The following RFX1 variants were observed in gnomAD, a reference collection of about 807,000 sequenced individuals.
RFX1 encodes regulatory factor X1.
RFX1 carries 42 observed loss-of-function variants against 119.6 expected under a neutral mutation model. The ratio of observed to expected loss-of-function variants is 0.35; its 90% CI spans 0.27 to 0.45. RFX1 has a LOEUF of 0.45. Among genes scored for constraint, RFX1 ranks in the 20% least tolerant of loss-of-function variants. The pLI, the probability that RFX1 is intolerant of heterozygous loss-of-function variation, is 1.00. For synonymous variants in RFX1, 628 were observed against 618.5 expected, an observed-to-expected ratio of 1.02 and a Z score of -0.23; for missense variants, 1,118 against 1,368.1, an observed-to-expected ratio of 0.82 and a Z score of 2.88.
intron 2 of RFX1, among the ~76,000 whole-genome samples, chr19:13,992,198 C>T (rs940111423): frequency 2.6e-5 from 4 of 152,098 alleles, no homozygotes; most frequent in Non-Finnish European, 5.9e-5. Flanking sequence ...CAGCTACCTA[C>T]AAGGCTGAGG....
At chr19:13,967,817 C>T (rs113741237) in intron 12 of RFX1, among the ~76,000 whole-genome samples, 3,236 of 152,190 alleles carry the variant, frequency 0.021, 112 homozygotes, top group African/African-American at 0.073. Flanking sequence ...GCCTTCTTGG[C>T]GAGTGAGTGG....
intron 1 of RFX1, among the ~76,000 whole-genome samples, chr19:13,997,276 G>A (rs567176862): frequency 6.6e-6 from 1 of 152,342 alleles, no homozygotes; most frequent in Non-Finnish European, 1.5e-5. Context: ...AGTTAGCAGG[G>A]GGGCAAGGTA....
chr19:13,982,267 G>T, intron 4 of RFX1, 39 bp from the exon 5 acceptor site: 1 of 1,162,846 alleles, frequency 8.6e-7, no homozygotes, highest in Non-Finnish European at 1.1e-6. Flanking sequence ...GATCACTGAT[G>T]ACAGCCCGTG....
rs1017285711 is a variant in RFX1 at position 13,990,152 on chromosome 19, C to T, written c.319+3373G>A. On this transcript the variant is annotated intron_variant, in intron 2 of 20. Coordinates refer to ENST00000254325, the MANE Select transcript of RFX1 (RefSeq NM_002918.5). This position sits in a 1 kb window ranked among gnomAD's most constrained non-coding sequence, Gnocchi z 4.1. ...GAGCTGGGACACAGGATGAGGCCAT[C>T]GTTAAGGGAGAACTACAGGAGCTAA... Among the ~76,000 whole-genome samples the T allele has an allele frequency of 6.6e-6, 1 of 152,056 alleles. No homozygotes were observed. The highest frequency in any genetic ancestry group is 1.5e-5 in the Non-Finnish European group (1 of 68,026).
intron 1 of RFX1, among the ~76,000 whole-genome samples, 173 bp from the exon 2 acceptor site, chr19:13,994,068 AACCCGTC>A (rs1235254171): frequency 6.6e-6 from 1 of 152,062 alleles, no homozygotes; most frequent in Non-Finnish European, 1.5e-5. Context: ...AGAAATATCC[AACCCGTC>A]ACTGCAGGGG....
At chr19:13,991,090 A>G (rs948175775) in intron 2 of RFX1, among the ~76,000 whole-genome samples, 2 of 152,208 alleles carry the variant, frequency 1.3e-5, no homozygotes, top group Admixed American at 1.3e-4. Flanking sequence ...TAGAAGGAGC[A>G]ATGGCAGGAG....
At position 13,966,769 on chromosome 19, in the gene RFX1, AC is replaced by A. The variant is rs1973917281; in HGVS notation, c.1733-19del. 6.5e-7 allele frequency: 1 copy of A among 1,544,968 alleles called. No homozygotes were observed. Among genetic ancestry groups the A allele is most frequent in the Non-Finnish European group, 8.9e-7 (1 of 1,128,404 alleles). ...AGAGGCATCTAGGGGGCCGGGGGGA[AC>A]CGTGAGGCCCTTCATCCCCCTTGCC... On this transcript the variant is annotated intron_variant, in intron 12 of 20. Coordinates refer to ENST00000254325, the MANE Select transcript of RFX1 (RefSeq NM_002918.5). The surrounding 1 kb of genome is among the most constrained non-coding windows in gnomAD (Gnocchi z 6.3).
chr19:13,970,086 C>T lies in RFX1; in HGVS notation c.1404G>A (p.Gln468=), dbSNP rs1974028987. The T allele has an allele frequency of 3.7e-6, 6 of 1,614,000 alleles. No individual in the cohort carries two copies. Among genetic ancestry groups the T allele is most frequent in the Non-Finnish European group, 5.1e-6 (6 of 1,180,020 alleles). ...TLYCHYLLHC[Q]EQKLEPVNAA... ...CGTTGACGGGCTCCAGCTTCTGCTC[C>T]TGGCAGTGCAGTAAGTAGTGGCAGT... Residue 468 remains glutamine (Q), a synonymous_variant, in exon 10 of 21, where the codon CAG becomes CAA. Transcript: ENST00000254325.
chr19:13,994,893 C>CATACATATATATATAT (rs58399098), intron 1 of RFX1, among the ~76,000 whole-genome samples: 4 of 59,304 alleles, frequency 6.7e-5, no homozygotes, highest in African/African-American at 1.7e-4. Context: ...AATATACATA[C>CATACATATATATATAT]ATATATATAT....
At chr19:13,982,665 G>A (rs1219941530) in intron 4 of RFX1, among the ~76,000 whole-genome samples, 1 of 152,190 alleles carries the variant, frequency 6.6e-6, no homozygotes, top group African/African-American at 2.4e-5. Flanking sequence ...TTAGCCAGGT[G>A]TGGTGGTGCA....
chr19:13,998,075 T>A (rs542903826), intron 1 of RFX1: 1 of 152,324 alleles, frequency 6.6e-6, no homozygotes, highest in African/African-American at 2.4e-5. Flanking sequence ...CTCACCCACA[T>A]GAACCCTGGC....
At chr19:13,983,098 G>T in intron 4 of RFX1, 89 bp downstream of exon 4, 2 of 1,025,038 alleles carry the variant, frequency 2.0e-6, no homozygotes, top group South Asian at 1.5e-5. Context: ...CCTCCATCCT[G>T]GTGAGGACAG....
Position 13,980,833 on chromosome 19 carries a change from AC to A in RFX1, c.622-145del. Reference sequence around the variant, plus strand: ...CCTATCCCAACCACCGAGGCTGGTAACTGACCGCGTCCCACGCATCCAAATG... The same window carrying A: ...CCTATCCCAACCACCGAGGCTGGTAATGACCGCGTCCCACGCATCCAAATG... On this transcript the variant is annotated intron_variant, in intron 5 of 20. Coordinates refer to ENST00000254325, the MANE Select transcript of RFX1 (RefSeq NM_002918.5). This position sits in a 1 kb window ranked among gnomAD's most constrained non-coding sequence, Gnocchi z 5.1. 1 of 581,892 alleles carries A rather than the reference AC, an allele frequency of 1.7e-6. No individual in the cohort carries two copies. The highest frequency in any genetic ancestry group is 3.1e-6 in the Non-Finnish European group (1 of 327,270). 36.0% of individuals were successfully genotyped at this position (581,892 alleles called of 1,614,324 possible). A position where few individuals can be genotyped will look rare whatever the true frequency, so the allele number is the denominator to read the frequency against.
intron 16 of RFX1, among the ~76,000 whole-genome samples, chr19:13,964,643 G>C (rs1269797257): frequency 6.6e-6 from 1 of 151,932 alleles, no homozygotes; most frequent in East Asian, 1.9e-4. Context: ...CACCACGCCG[G>C]GCTAATTTTT....
intron 8 of RFX1, among the ~76,000 whole-genome samples, chr19:13,977,219 C>G (rs1974276821): frequency 6.7e-6 from 1 of 149,096 alleles, no homozygotes; most frequent in Non-Finnish European, 1.5e-5. Context: ...CACTTGAACA[C>G]AGGAGGCAGA....
rs1973767650 is a variant in RFX1, at chr19:13,963,150, C to T, written c.2696G>A (p.Gly899Asp). 2 of 1,612,226 alleles carry T rather than the reference C, an allele frequency of 1.2e-6. No homozygotes were observed. Among genetic ancestry groups the T allele is most frequent in the Non-Finnish European group, 1.7e-6 (2 of 1,179,278 alleles). Residue 899 changes from glycine to aspartate, a missense_variant, in exon 19 of 21, where the codon GGC becomes GAC. By Grantham distance (94) the Gly-to-Asp change is moderately conservative. This residue lies in a region of RFX1 where 138 missense variants were observed against 117.8 expected (regional missense o/e 1.17). Coordinates refer to ENST00000254325, the MANE Select transcript of RFX1 (RefSeq NM_002918.5). The part of the protein sequence containing the change: ...LIEHRVAQAK[G>D]ETPIAVMGEF... ...GCCCATGACGGCGATGGGGGTCTCG[C>T]CCTTGGCCTGGGCTACGCGGTGCTC...
rs137952654 is a variant in RFX1 at position 13,963,975 on chromosome 19, C to T, written c.2244G>A (p.Leu748=). The T allele has an allele frequency of 6.4e-3, 9,871 of 1,539,624 alleles. 46 individuals are homozygous for T. The highest frequency in any genetic ancestry group is 7.7e-3 in the Non-Finnish European group (8,811 of 1,147,256). Residue 748 remains leucine (L), a synonymous_variant, in exon 17 of 21, where the codon CTG becomes CTA. Transcript: ENST00000254325. ...GGTGGTTGAGCGACGTGTAGCGCCG[C>T]AGTGTCTGCGCGAAGGCGCCAGCCG... ...VAAAGAFAQT[L]RRYTSLNHLA...
In RFX1 at chr19:13,962,390, G is replaced by T. The variant is rs1027098069; in HGVS notation, c.*305C>A. The T allele has an allele frequency of 4.3e-5, 19 of 444,594 alleles. No individual in the cohort carries two copies. Among genetic ancestry groups the T allele is most frequent in the African/African-American group, 3.4e-4 (16 of 47,228 alleles). 27.5% of individuals were successfully genotyped at this position (444,594 alleles called of 1,614,324 possible). A position where few individuals can be genotyped will look rare whatever the true frequency, so the allele number is the denominator to read the frequency against. On this transcript the variant is annotated 3_prime_UTR_variant, in exon 21 of 21. Transcript: ENST00000254325. ...CTGGGGTGGTGGGAGGACGGGGCTGGGGAGAAGACGCTGGGGCCTGGGAGG... is the reference window on the plus strand; with the variant it reads ...CTGGGGTGGTGGGAGGACGGGGCTGTGGAGAAGACGCTGGGGCCTGGGAGG...
At chr19:13,995,312 T>C (rs1974970978) in intron 1 of RFX1, among the ~76,000 whole-genome samples, 1 of 152,040 alleles carries the variant, frequency 6.6e-6, no homozygotes, top group African/African-American at 2.4e-5. Context: ...GTGCCTGCCA[T>C]CTGGACTTGG....
Sources: gnomAD v4.1 joint callset for allele counts (sites outside exome capture counted in the v4.1 genomes callset) on GRCh38, gnomAD v4.1.1 for gene constraint, gnomAD v4.1.1 regional missense constraint, Gnocchi (gnomAD v3.1) non-coding constraint, MANE v1.5 for transcripts, NCBI Gene and HGNC (gene_info 2026-07-23, HGNC 2026-07-21) for gene names.